Variants in NHSL1 observed in about 807,000 individuals in gnomAD.
NHSL1 encodes NHS-like protein 1.
Under a neutral mutation model 95.0 loss-of-function variants are expected in NHSL1, and 48 were observed. The ratio of observed to expected loss-of-function variants is 0.51; its 90% CI spans 0.40 to 0.64. NHSL1 has a LOEUF of 0.64. Among genes scored for constraint, NHSL1 ranks in the 30% least tolerant of loss-of-function variants. NHSL1 has a pLI of 0.00. For synonymous variants in NHSL1, 783 were observed against 833.9 expected (o/e 0.94, Z 1.05); for missense variants, 1,971 against 2,077.7 (o/e 0.95, Z 1.00).
chr6:138,524,033 G>T (rs1781800392), intron 1 of NHSL1, among the ~76,000 whole-genome samples: 4 of 152,170 alleles, frequency 2.6e-5, no homozygotes, highest in African/African-American at 9.7e-5. Context: ...TTGAGGAAAT[G>T]AAGACTGAGT....
intron 1 of NHSL1, among the ~76,000 whole-genome samples, chr6:138,592,182 G>T (rs1784239652): frequency 6.6e-6 from 1 of 152,122 alleles, no homozygotes; most frequent in South Asian, 2.1e-4. Flanking sequence ...CACTTTTCAA[G>T]ATTGCACAGG....
chr6:138,518,393 G>T (rs1318714472), intron 1 of NHSL1, among the ~76,000 whole-genome samples: 1 of 136,356 alleles, frequency 7.3e-6, no homozygotes, highest in South Asian at 2.5e-4. Flanking sequence ...ATTACAGCAG[G>T]TTTTTTTTTT....
At chr6:138,658,798 A>T (rs1279813657) in intron 1 of NHSL1, among the ~76,000 whole-genome samples, 1 of 152,164 alleles carries the variant, frequency 6.6e-6, no homozygotes, top group Non-Finnish European at 1.5e-5. Flanking sequence ...AAGTTAACAA[A>T]ATCCACTCTG....
chr6:138,607,261 G>A (rs1488987239), intron 1 of NHSL1, among the ~76,000 whole-genome samples: 1 of 152,140 alleles, frequency 6.6e-6, no homozygotes, highest in South Asian at 2.1e-4. Context: ...GCTGTCAACA[G>A]AAAGATGATT....
At chr6:138,690,567 C>G (rs1045696714) in intron 1 of NHSL1, among the ~76,000 whole-genome samples, 26 of 152,082 alleles carry the variant, frequency 1.7e-4, no homozygotes, top group African/African-American at 5.8e-4. Flanking sequence ...ATGGCGAAAC[C>G]CTGTCTCTAC....
At chr6:138,500,239 C>G (rs994864070), upstream of NHSL1, among the ~76,000 whole-genome samples, 1 of 152,160 alleles carries the variant, frequency 6.6e-6, no homozygotes, top group Non-Finnish European at 1.5e-5. Context: ...AATGTTGTCT[C>G]AAACAAACAT....
intron 1 of NHSL1, among the ~76,000 whole-genome samples, chr6:138,609,819 A>G (rs1257812427): frequency 6.6e-6 from 1 of 151,990 alleles, no homozygotes; most frequent in African/African-American, 2.4e-5. Context: ...ATTAAGTGAG[A>G]TCATAAATGT....
rs993773509 is a variant in NHSL1 at position 138,662,700 on chromosome 6, G to T, written c.96+29776C>A. On this transcript the variant is annotated intron_variant, in intron 1 of 3. Transcript: ENST00000491526. The stretch of plus-strand genomic sequence containing the variant: ...TGAGTATTTTGTTCAAACAAGCATG[G>T]ATATATGACGACTATTCATTTATCC... 2.6e-5 allele frequency among the ~76,000 whole-genome samples: 4 copies of T among 152,022 alleles called. No homozygotes were observed. In the South Asian group the frequency reaches 6.2e-4, roughly 24 times the overall value.
At chr6:138,437,341 T>TATAC (rs1371251761) in intron 5 of NHSL1, among the ~76,000 whole-genome samples, 38 of 24,676 alleles carry the variant, frequency 1.5e-3, no homozygotes, top group African/African-American at 5.2e-3. Context: ...TATATATATA[T>TATAC]ACACATATAT....
At chr6:138,523,824 C>T (rs370809495) in intron 1 of NHSL1, among the ~76,000 whole-genome samples, 2 of 152,270 alleles carry the variant, frequency 1.3e-5, no homozygotes, top group East Asian at 3.9e-4. Flanking sequence ...TAGGTCCATG[C>T]TGTAGGTCTA....
chr6:138,470,098 C>A (rs75864569), intron 3 of NHSL1, among the ~76,000 whole-genome samples: 18,448 of 152,072 alleles, frequency 0.12, 1,167 homozygotes, highest in Middle Eastern at 0.16. Context: ...TTATTTTATT[C>A]TGAAACCAAT....
At chr6:138,553,393 T>C (rs1279900033) in intron 1 of NHSL1, among the ~76,000 whole-genome samples, 1 of 152,208 alleles carries the variant, frequency 6.6e-6, no homozygotes, top group Admixed American at 6.5e-5. Flanking sequence ...GCTTGCACCA[T>C]GTCCCATGGC....
intron 1 of NHSL1, among the ~76,000 whole-genome samples, chr6:138,609,080 C>T (rs2114588580): frequency 6.6e-6 from 1 of 152,178 alleles, no homozygotes; most frequent in South Asian, 2.1e-4. Flanking sequence ...GTCCACGATC[C>T]CCAAAGATTA....
intron 1 of NHSL1, among the ~76,000 whole-genome samples, chr6:138,674,352 A>T (rs528066673): frequency 6.6e-6 from 1 of 151,998 alleles, no homozygotes; most frequent in South Asian, 2.1e-4. Flanking sequence ...CATGTGCAGG[A>T]TGTGCAGGTT....
chr6:138,684,597 A>T (rs1166117465), intron 1 of NHSL1, among the ~76,000 whole-genome samples: 1 of 152,068 alleles, frequency 6.6e-6, no homozygotes, highest in Admixed American at 6.6e-5. Flanking sequence ...GTGAGCCAAG[A>T]TCGCGCCACT....
At chr6:138,484,620 T>C (rs773356991) in intron 2 of NHSL1, among the ~76,000 whole-genome samples, 62 of 152,316 alleles carry the variant, frequency 4.1e-4, no homozygotes, top group Non-Finnish European at 7.6e-4. Context: ...CCAATATCTC[T>C]GTCACTGACA....
At chr6:138,464,025 T>C (rs1778174699) in intron 3 of NHSL1, 3 of 345,026 alleles carry the variant, frequency 8.7e-6, no homozygotes, top group African/African-American at 2.1e-5. Flanking sequence ...GCTTGGCATA[T>C]TGGCAAGACT....
In NHSL1 at chr6:138,603,378, C is replaced by T. The variant is rs1784395157; in HGVS notation, c.96+89098G>A. On this transcript the variant is annotated intron_variant, in intron 1 of 3. Coordinates refer to the NHSL1 transcript ENST00000491526. The stretch of plus-strand genomic sequence containing the variant: ...ATTCTGAGCATTTTAAAAACACCAC[C>T]ACACACAGTGCTCTAGCCAACAGGG... Among the ~76,000 whole-genome samples the T allele has an allele frequency of 2.0e-5, 3 of 152,082 alleles. No individual in the cohort carries two copies. The South Asian group carries it at 6.2e-4, about 32-fold the overall frequency.
Position 138,534,471 on chromosome 6 carries a change from A to G in NHSL1, c.16+11152T>C, listed in dbSNP as rs554424216. Among the ~76,000 whole-genome samples the G allele has an allele frequency of 8.5e-5, 13 of 152,294 alleles. No homozygotes were observed. In the East Asian group the frequency reaches 2.5e-3, roughly 29 times the overall value. ...AAGAAAAGGAGCCCTTTGAAAGGGT[A>G]AAATACCCTGTATTTACCAGCAGAG... On this transcript the variant is annotated intron_variant, in intron 1 of 4. Coordinates refer to the NHSL1 transcript ENST00000342260.
Sources: allele counts gnomAD v4.1 joint callset (sites outside exome capture counted in the v4.1 genomes callset), GRCh38; gene constraint gnomAD v4.1.1; transcripts MANE v1.5; gene names NCBI Gene and HGNC (gene_info 2026-07-23, HGNC 2026-07-21).